Variants in ZNF600 observed in about 807,000 individuals in gnomAD.
ZNF600 encodes zinc finger protein 600, also known as zinc finger protein KR-ZNF1.
ZNF600 carries 4 observed loss-of-function variants against 7.3 expected under a neutral mutation model. That is an observed-to-expected ratio of 0.55 (90% CI 0.27 to 1.25). The LOEUF (loss-of-function observed/expected upper bound fraction) is 1.25. ZNF600 is among the 50% of genes most tolerant of loss of function. The pLI is 0.12. For synonymous variants in ZNF600, 290 were observed against 308.9 expected, an observed-to-expected ratio of 0.94 and a Z score of 0.64; for missense variants, 911 against 922.1, an observed-to-expected ratio of 0.99 and a Z score of 0.16.
the ZNF600 span, among the ~76,000 whole-genome samples, chr19:52,831,764 A>G: frequency 1.3e-5 from 2 of 152,002 alleles, no homozygotes; most frequent in African/African-American, 4.8e-5. Flanking sequence ...TCGGCCTCCC[A>G]AAGTGCTGGG....
At chr19:52,812,458 G>A in the ZNF600 span, among the ~76,000 whole-genome samples, 1 of 123,534 alleles carries the variant, frequency 8.1e-6, no homozygotes, top group South Asian at 2.5e-4. Context: ...GTTGATCTGT[G>A]ACCTTATCCC....
At chr19:52,799,792 G>C in the ZNF600 span, 1 of 1,614,130 alleles carries the variant, frequency 6.2e-7, no homozygotes, top group South Asian at 1.1e-5. Flanking sequence ...TCTCCAGTAT[G>C]AACTCTCTGA....
At chr19:52,794,609 C>T in the ZNF600 span, among the ~76,000 whole-genome samples, 1 of 152,136 alleles carries the variant, frequency 6.6e-6, no homozygotes, top group South Asian at 2.1e-4. Flanking sequence ...AATCCCAGCA[C>T]TTTGGGAGGC....
chr19:52,833,073 A>G, the ZNF600 span, among the ~76,000 whole-genome samples: 2 of 152,166 alleles, frequency 1.3e-5, no homozygotes, highest in Admixed American at 1.3e-4. Flanking sequence ...ACCCAGACCA[A>G]CATCCTGTCT....
the ZNF600 span, among the ~76,000 whole-genome samples, chr19:52,818,885 GAAA>G: frequency 1.7e-5 from 2 of 114,332 alleles, no homozygotes; most frequent in East Asian, 3.2e-4. Flanking sequence ...GTCTGTTTGG[GAAA>G]AAAAAAAAAA....
intron 3 of ZNF600, among the ~76,000 whole-genome samples, chr19:52,769,914 A>G (rs2062618560): frequency 6.6e-6 from 1 of 152,212 alleles, no homozygotes; most frequent in Non-Finnish European, 1.5e-5. Flanking sequence ...CATACCGAAA[A>G]GCCATATGCA....
chr19:52,809,910 C>T, the ZNF600 span: 3 of 835,320 alleles, frequency 3.6e-6, no homozygotes, highest in East Asian at 5.3e-5. Flanking sequence ...CCATCTTGTG[C>T]CCGGGGCCGG....
At chr19:52,831,623 C>G in the ZNF600 span, among the ~76,000 whole-genome samples, 1 of 152,084 alleles carries the variant, frequency 6.6e-6, no homozygotes, top group African/African-American at 2.4e-5. Context: ...CTGCCTCAGC[C>G]TCCCAAGTAG....
chr19:52,766,767 T>G (rs546545447), exon 4 of ZNF600: 1 of 1,614,136 alleles, frequency 6.2e-7, no homozygotes, highest in South Asian at 1.1e-5. Context: ...CTTACATTTG[T>G]ATGGTTTCTC....
chr19:52,764,300 T>A (rs2062551475), downstream of ZNF600: 3 of 151,880 alleles, frequency 2.0e-5, no homozygotes, highest in African/African-American at 4.8e-5. Flanking sequence ...AACCTCTACC[T>A]CCCAGGTTTA....
exon 4 of ZNF600, chr19:52,766,786 G>A (rs889350757): frequency 6.2e-7 from 1 of 1,613,968 alleles, no homozygotes; most frequent in African/African-American, 1.3e-5. Context: ...TCTCCAGTAT[G>A]AATTCTCTTA....
At chr19:52,782,684 C>T (rs955289623) in intron 1 of ZNF600, among the ~76,000 whole-genome samples, 17 of 152,084 alleles carry the variant, frequency 1.1e-4, no homozygotes, top group Non-Finnish European at 2.2e-4. Context: ...CCAGCCTGGC[C>T]AAGATGGTGA....
At chr19:52,806,027 T>C in the ZNF600 span, 1 of 152,024 alleles carries the variant, frequency 6.6e-6, no homozygotes, top group Non-Finnish European at 1.5e-5. Context: ...ATACAGAAAC[T>C]GGCATATGTA....
At chr19:52,801,586 AG>A in the ZNF600 span, 7 of 1,614,060 alleles carry the variant, frequency 4.3e-6, no homozygotes, top group Non-Finnish European at 5.9e-6. Context: ...ATTTTCTGGA[AG>A]CAAAAATCTC....
the ZNF600 span, chr19:52,801,355 C>T: frequency 4.3e-6 from 7 of 1,614,154 alleles, no homozygotes; most frequent in Admixed American, 1.2e-4. Flanking sequence ...GACTTCTCAA[C>T]TTGATTACCA....
At chr19:52,806,096 A>T in the ZNF600 span, 1 of 152,230 alleles carries the variant, frequency 6.6e-6, no homozygotes, top group Non-Finnish European at 1.5e-5. Context: ...AACACTGTAC[A>T]TATATGTTAA....
the ZNF600 span, among the ~76,000 whole-genome samples, chr19:52,831,489 ATTTTTGTT>A: frequency 0.025 from 3,761 of 148,988 alleles, 118 homozygotes; most frequent in African/African-American, 0.076. Flanking sequence ...GTTTGTATTT[ATTTTTGTT>A]TTTTTGTTTT....
At chr19:52,788,439 G>A (rs1039008935), upstream of ZNF600, among the ~76,000 whole-genome samples, 2 of 151,994 alleles carry the variant, frequency 1.3e-5, no homozygotes, top group East Asian at 1.9e-4. Flanking sequence ...AAAAAAATAC[G>A]AGATTTAATT....
At chr19:52,809,043 T>C in the ZNF600 span, among the ~76,000 whole-genome samples, 1 of 152,176 alleles carries the variant, frequency 6.6e-6, no homozygotes. Context: ...TGGGGATATA[T>C]ATGTACATAT....
Sources: gnomAD v4.1 joint callset for allele counts (sites outside exome capture counted in the v4.1 genomes callset) on GRCh38, gnomAD v4.1.1 for gene constraint, MANE v1.5 for transcripts, NCBI Gene and HGNC (gene_info 2026-07-23, HGNC 2026-07-21) for gene names.